Variants in KDM4C observed in about 807,000 individuals in gnomAD.
KDM4C encodes the protein lysine-specific demethylase 4C.
Under a neutral mutation model 129.3 loss-of-function variants are expected in KDM4C, and 81 were observed. The observed-to-expected ratio is 0.63, with a 90% CI of 0.52 to 0.75. The LOEUF is 0.75. KDM4C is among the 30% of genes least tolerant of loss of function. KDM4C has a pLI of 0.00. For synonymous variants in KDM4C, 573 were observed against 456.1 expected (o/e 1.26, Z -3.26); for missense variants, 1,457 against 1,304.0 (o/e 1.12, Z -1.81).
Position 6,793,206 on chromosome 9 carries a change from TG to T in KDM4C, c.144+77del, listed in dbSNP as rs933456698. ...ATTTATGTTCTTAGTTTTCACGATTTGGGACATTGTTTCTGAAGGAAGAAAT... is the reference window on the plus strand; with the variant it reads ...ATTTATGTTCTTAGTTTTCACGATTTGGACATTGTTTCTGAAGGAAGAAAT... On this transcript the variant is annotated intron_variant, in intron 2 of 21. Transcript: ENST00000381309. 2.7e-5 allele frequency: 41 copies of T among 1,508,222 alleles called. No individual in the cohort carries two copies. In the African/African-American group the frequency reaches 5.6e-4, roughly 20 times the overall value. The allele number at this position is 1,508,222 out of a possible 1,614,324, so 93.4% of individuals were successfully genotyped here.
chr9:7,108,471 G>A (rs574187968), intron 18 of KDM4C, among the ~76,000 whole-genome samples: 1 of 152,018 alleles, frequency 6.6e-6, no homozygotes, highest in Non-Finnish European at 1.5e-5. Flanking sequence ...TTTTGGACTC[G>A]AGCGATCCAA....
At chr9:7,101,447 G>A (rs868578463) in intron 17 of KDM4C, among the ~76,000 whole-genome samples, 2 of 152,190 alleles carry the variant, frequency 1.3e-5, no homozygotes, top group South Asian at 2.1e-4. Flanking sequence ...GTTTTATGGG[G>A]TTCTCTGTCT....
At chr9:7,083,064 A>G (rs1007235788) in intron 17 of KDM4C, among the ~76,000 whole-genome samples, 12 of 152,198 alleles carry the variant, frequency 7.9e-5, no homozygotes, top group Admixed American at 1.3e-4. Context: ...CTCTGTGTTC[A>G]TAAGCCTGGA....
In KDM4C at chr9:6,955,271, A is replaced by G. The variant is rs1392694706; in HGVS notation, c.922-25654A>G. ...TCAGTGATAGGAGAAAGAGGTAATC[A>G]GTTCCTTAGGTGGGGTAAGGCACAG... On this transcript the variant is annotated intron_variant, in intron 8 of 21. Coordinates refer to ENST00000381309, the MANE Select transcript of KDM4C (RefSeq NM_015061.6). Among the ~76,000 whole-genome samples, 3 of 152,344 alleles carry G rather than the reference A, an allele frequency of 2.0e-5. No individual in the cohort carries two copies. The South Asian group carries it at 6.2e-4, about 32-fold the overall frequency.
In KDM4C at chr9:6,775,523, G is replaced by A. The variant is rs150303085; in HGVS notation, c.-18+17320G>A. ...TACGCTAGAATTTCTTGAGGCCCTA[G>A]CAAATGGTTTTTTTTTGAGATGGAG... On this transcript the variant is annotated intron_variant, in intron 1 of 21. Transcript: ENST00000381309. 1.6e-4 allele frequency among the ~76,000 whole-genome samples: 24 copies of A among 151,886 alleles called. No individual in the cohort carries two copies. The East Asian group carries it at 3.5e-3, about 22-fold the overall frequency.
intron 8 of KDM4C, chr9:6,925,618 G>A (rs1411845159): frequency 2.0e-6 from 2 of 985,258 alleles, no homozygotes; most frequent in African/African-American, 1.7e-5. Context: ...AAACCGTCTT[G>A]GCTTGTTTAC....
chr9:6,936,120 A>G (rs1388354794), intron 8 of KDM4C, among the ~76,000 whole-genome samples: 1 of 152,224 alleles, frequency 6.6e-6, no homozygotes, highest in Admixed American at 6.5e-5. Flanking sequence ...GCTTGAATAT[A>G]TGGAGTTTAT....
intron 17 of KDM4C, among the ~76,000 whole-genome samples, chr9:7,097,617 G>A (rs1836592228): frequency 6.6e-6 from 1 of 152,172 alleles, no homozygotes; most frequent in African/African-American, 2.4e-5. Context: ...TCAGTAGAAT[G>A]GTTTGAGGGC....
At chr9:6,816,307 T>G (rs987423956) in intron 4 of KDM4C, among the ~76,000 whole-genome samples, 1 of 152,168 alleles carries the variant, frequency 6.6e-6, no homozygotes, top group African/African-American at 2.4e-5. Flanking sequence ...CTTTATGAAT[T>G]ATTGTAAAGT....
At chr9:7,114,951 C>T (rs1390532917) in intron 18 of KDM4C, among the ~76,000 whole-genome samples, 13 of 152,060 alleles carry the variant, frequency 8.5e-5, no homozygotes, top group African/African-American at 2.7e-4. Flanking sequence ...TGGTGGTGTG[C>T]GCCTATGGTC....
At chr9:6,971,282 A>G (rs978948370) in intron 8 of KDM4C, among the ~76,000 whole-genome samples, 2 of 152,190 alleles carry the variant, frequency 1.3e-5, no homozygotes, top group African/African-American at 4.8e-5. Context: ...ACTGCTTGGC[A>G]GAACATGGGG....
Position 7,050,442 on chromosome 9 carries a change from CAA to C in KDM4C, c.2424+1254_2424+1255del, listed in dbSNP as rs71500910. On this transcript the variant is annotated intron_variant, in intron 17 of 21. Transcript: ENST00000381309. The stretch of plus-strand genomic sequence containing the variant: ...GCTTGAAATCTTATACCCAGATTAC[CAA>C]AAAAAAAAAAAGACACCAAAAAACA... 1.5e-4 allele frequency among the ~76,000 whole-genome samples: 12 copies of C among 78,266 alleles called. 1 individual carries two copies. The highest frequency in any genetic ancestry group is 4.7e-4 in the African/African-American group (11 of 23,260). 51.3% of individuals were successfully genotyped at this position (78,266 alleles called of 152,430 possible). A position where few individuals can be genotyped will look rare whatever the true frequency, so the allele number is the denominator to read the frequency against.
chr9:7,144,145 C>G (rs1842014235), intron 19 of KDM4C, among the ~76,000 whole-genome samples: 1 of 149,294 alleles, frequency 6.7e-6, no homozygotes, highest in Non-Finnish European at 1.5e-5. Context: ...GTGACTAGGT[C>G]TTGCTGTGTT....
intron 12 of KDM4C, among the ~76,000 whole-genome samples, chr9:6,998,573 A>G (rs1308005053): frequency 6.6e-6 from 1 of 152,174 alleles, no homozygotes; most frequent in Non-Finnish European, 1.5e-5. Flanking sequence ...AGGCAGGCGG[A>G]TCACCTGAGG....
chr9:6,915,108 G>C (rs1820064142), intron 8 of KDM4C, among the ~76,000 whole-genome samples: 5 of 152,070 alleles, frequency 3.3e-5, no homozygotes, highest in Admixed American at 3.3e-4. Flanking sequence ...TTTTCTGTGG[G>C]GTGCTTTTTT....
intron 12 of KDM4C, among the ~76,000 whole-genome samples, chr9:7,006,864 T>A (rs568237986): frequency 6.6e-6 from 1 of 152,260 alleles, no homozygotes; most frequent in Non-Finnish European, 1.5e-5. Context: ...ATAAAAAAAA[T>A]TTCAGTCTAT....
At chr9:7,152,828 A>G (rs10739121) in intron 19 of KDM4C, among the ~76,000 whole-genome samples, 100,434 of 152,126 alleles carry the variant, frequency 0.66, 33,459 homozygotes, top group East Asian at 0.8. Flanking sequence ...GATCAGCTGT[A>G]TTCTAACATG....
intron 1 of KDM4C, among the ~76,000 whole-genome samples, chr9:6,771,266 C>T (rs1414469642): frequency 6.6e-6 from 1 of 150,506 alleles, no homozygotes; most frequent in East Asian, 2.0e-4. Context: ...GGAAAGTTTG[C>T]GTATTAAATT....
chr9:6,772,340 G>C (rs992630762), intron 1 of KDM4C, among the ~76,000 whole-genome samples: 1 of 150,882 alleles, frequency 6.6e-6, no homozygotes, highest in Admixed American at 6.6e-5. Flanking sequence ...GTAGAGACGG[G>C]GTTTCACCAT....
Sources: gnomAD v4.1 joint callset for allele counts (sites outside exome capture counted in the v4.1 genomes callset) on GRCh38, gnomAD v4.1.1 for gene constraint, MANE v1.5 for transcripts, NCBI Gene and HGNC (gene_info 2026-07-23, HGNC 2026-07-21) for gene names.